Variants in CACNA2D3 observed in about 807,000 individuals in gnomAD.
CACNA2D3 encodes calcium voltage-gated channel auxiliary subunit alpha2delta 3.
A neutral mutation model predicts 160.6 loss-of-function variants in CACNA2D3; 60 were observed. The observed-to-expected ratio is 0.37, with a 90% confidence interval of 0.30 to 0.46. The LOEUF (loss-of-function observed/expected upper bound fraction) is 0.46, where lower values mean the gene tolerates loss of function less well. CACNA2D3 is among the 20% of genes least tolerant of loss of function. The pLI, the probability that CACNA2D3 is intolerant of heterozygous loss-of-function variation, is 1.00. For missense variants in CACNA2D3, 1,205 were observed against 1,365.0 expected, an observed-to-expected ratio of 0.88 and a Z score of 1.85; for synonymous variants, 558 against 492.9, an observed-to-expected ratio of 1.13 and a Z score of -1.75.
chr3:54,992,216 C>T (rs541036266), intron 31 of CACNA2D3, among the ~76,000 whole-genome samples: 4 of 152,144 alleles, frequency 2.6e-5, no homozygotes, highest in South Asian at 4.1e-4. Context: ...CATCAAGACA[C>T]GAGGTTAAAA....
chr3:54,863,990 G>T (rs1176227464), intron 17 of CACNA2D3, among the ~76,000 whole-genome samples: 1 of 152,070 alleles, frequency 6.6e-6, no homozygotes, highest in Non-Finnish European at 1.5e-5. Context: ...TGACATGTAA[G>T]ATTACATCTC....
intron 35 of CACNA2D3, among the ~76,000 whole-genome samples, chr3:55,069,500 A>G (rs1704750266): frequency 6.6e-6 from 1 of 151,484 alleles, no homozygotes; most frequent in African/African-American, 2.5e-5. Context: ...GATTATTGAT[A>G]CTATCAATGG....
intron 11 of CACNA2D3, among the ~76,000 whole-genome samples, chr3:54,695,370 G>GTT (rs200425063): frequency 1.4e-5 from 2 of 146,170 alleles, no homozygotes; most frequent in Non-Finnish European, 3.0e-5. Context: ...TTCAAGTTTA[G>GTT]TTTTTTTTTT....
intron 4 of CACNA2D3, among the ~76,000 whole-genome samples, chr3:54,457,625 A>G (rs1483465502): frequency 6.6e-6 from 1 of 151,982 alleles, no homozygotes; most frequent in African/African-American, 2.4e-5. Context: ...TTCTGTATAG[A>G]TGATCTGTCC....
At chr3:54,710,764 C>T (rs1700938447) in intron 11 of CACNA2D3, among the ~76,000 whole-genome samples, 1 of 152,112 alleles carries the variant, frequency 6.6e-6, no homozygotes, top group African/African-American at 2.4e-5. Flanking sequence ...TAATTGTTAG[C>T]CACATTGAGT....
chr3:54,609,976 C>T lies in CACNA2D3; in HGVS notation c.964-17811C>T, dbSNP rs988039445. Among the ~76,000 whole-genome samples the T allele has an allele frequency of 2.6e-5, 4 of 152,158 alleles. No homozygotes were observed. In the South Asian group the frequency reaches 8.3e-4, roughly 32 times the overall value. Reference sequence around the variant, plus strand: ...AAGGTATTGGCAGGTCATGCTTCCTCGGAAGCCTGCAAGGGAGATTCCTTC... The same window carrying T: ...AAGGTATTGGCAGGTCATGCTTCCTTGGAAGCCTGCAAGGGAGATTCCTTC... On this transcript the variant is annotated intron_variant, in intron 9 of 37. Transcript: ENST00000474759.
In CACNA2D3 at chr3:54,226,312, C is replaced by CTTTTTT. The variant is rs10677482; in HGVS notation, c.205-94116_205-94111dup. Reference sequence around the variant, plus strand: ...AATTCCCCGCCTCCTGCCCCTGATGCTTTTTTTTTTTTTTTTTTTGGAGAC... The same window carrying CTTTTTT: ...AATTCCCCGCCTCCTGCCCCTGATGCTTTTTTTTTTTTTTTTTTTTTTTTTGGAGAC... On this transcript the variant is annotated intron_variant, in intron 2 of 37. Transcript: ENST00000474759. Among the ~76,000 whole-genome samples, 562 of 106,862 alleles carry CTTTTTT rather than the reference C, an allele frequency of 5.3e-3. 32 individuals are homozygous for CTTTTTT. The highest frequency in any genetic ancestry group is 0.02 in the African/African-American group (529 of 26,444). 70.1% of individuals were successfully genotyped at this position (106,862 alleles called of 152,430 possible).
chr3:54,872,275 T>C (rs1011293512), intron 18 of CACNA2D3, among the ~76,000 whole-genome samples: 1 of 152,196 alleles, frequency 6.6e-6, no homozygotes, highest in African/African-American at 2.4e-5. Context: ...TTCTTGGTAC[T>C]TCCTCAATAA....
chr3:54,519,106 T>TG (rs1553708324), intron 5 of CACNA2D3, among the ~76,000 whole-genome samples: 6 of 152,142 alleles, frequency 3.9e-5, no homozygotes, highest in Admixed American at 6.5e-5. Flanking sequence ...CCAACTGTCC[T>TG]CAGTTGACAG....
At chr3:54,789,868 G>A (rs375112601) in intron 13 of CACNA2D3, 30 of 517,564 alleles carry the variant, frequency 5.8e-5, no homozygotes, top group African/African-American at 4.8e-4. Flanking sequence ...AGGTCAGGCC[G>A]AGCAAGTTAA....
At chr3:54,257,472 T>A (rs190034961) in intron 2 of CACNA2D3, among the ~76,000 whole-genome samples, 2 of 152,344 alleles carry the variant, frequency 1.3e-5, no homozygotes, top group Admixed American at 1.3e-4. Context: ...AGACTTATTT[T>A]TTTCCCCCAC....
intron 11 of CACNA2D3, 38 bp from the exon 12 acceptor site, chr3:54,752,561 G>T: frequency 6.6e-7 from 1 of 1,516,918 alleles, no homozygotes; most frequent in Non-Finnish European, 9.1e-7. Context: ...ATGGCGAAAA[G>T]TGAATGCCGC....
At chr3:54,206,673 C>G (rs1027331405) in intron 2 of CACNA2D3, among the ~76,000 whole-genome samples, 1 of 152,118 alleles carries the variant, frequency 6.6e-6, no homozygotes, top group African/African-American at 2.4e-5. Context: ...TACTAGTAGG[C>G]TTACTTTTAT....
chr3:54,764,224 T>G lies in CACNA2D3; in HGVS notation c.1253T>G (p.Phe418Cys). Residue 418 changes from phenylalanine (F) to cysteine (C), a missense_variant, in exon 13 of 38, where the codon TTT becomes TGT. Phe to Cys is a radical substitution (Grantham distance 205). Coordinates refer to ENST00000474759, the MANE Select transcript of CACNA2D3 (RefSeq NM_018398.3). ...KWMACANKGF[F>C]TQISTLADVQ... ...CTCCCTTGGGTTTTGACAGGATTTTTTACCCAGATCTCCACCTTGGCTGAT... is the reference window on the plus strand; with the variant it reads ...CTCCCTTGGGTTTTGACAGGATTTTGTACCCAGATCTCCACCTTGGCTGAT... 1 of 1,613,442 alleles carries G rather than the reference T, an allele frequency of 6.2e-7. No homozygotes were observed. Among genetic ancestry groups the G allele is most frequent in the Non-Finnish European group, 8.5e-7 (1 of 1,179,680 alleles).
At chr3:54,812,483 G>A (rs946971323) in intron 13 of CACNA2D3, among the ~76,000 whole-genome samples, 6 of 152,204 alleles carry the variant, frequency 3.9e-5, no homozygotes, top group Non-Finnish European at 8.8e-5. Flanking sequence ...CAGAACAAAT[G>A]TCTGTGACCA....
At chr3:55,039,227 A>T (rs1207411641) in intron 35 of CACNA2D3, among the ~76,000 whole-genome samples, 1 of 152,128 alleles carries the variant, frequency 6.6e-6, no homozygotes, top group Non-Finnish European at 1.5e-5. Context: ...CCATGCCAGG[A>T]CTTTATGATG....
chr3:54,853,169 A>G (rs964007088), intron 17 of CACNA2D3, among the ~76,000 whole-genome samples: 5 of 152,012 alleles, frequency 3.3e-5, no homozygotes, highest in Non-Finnish European at 7.4e-5. Context: ...GCGCCCACCC[A>G]GAGAAGCCAT....
chr3:54,447,816 A>T (rs769489006), intron 4 of CACNA2D3, among the ~76,000 whole-genome samples: 1 of 152,166 alleles, frequency 6.6e-6, no homozygotes, highest in African/African-American at 2.4e-5. Context: ...GCTCTTTTAG[A>T]TGACATTTCT....
At chr3:54,306,418 G>A (rs1303016729) in intron 2 of CACNA2D3, among the ~76,000 whole-genome samples, 1 of 152,214 alleles carries the variant, frequency 6.6e-6, no homozygotes, top group African/African-American at 2.4e-5. Flanking sequence ...TGAGAATAAT[G>A]TGTGGACTTC....
Sources: gnomAD v4.1 joint callset for allele counts (sites outside exome capture counted in the v4.1 genomes callset) on GRCh38, gnomAD v4.1.1 for gene constraint, MANE v1.5 for transcripts, NCBI Gene and HGNC (gene_info 2026-07-23, HGNC 2026-07-21) for gene names.